Variants in SLC9A3 observed in about 807,000 individuals in gnomAD.
SLC9A3 encodes the protein solute carrier family 9 member A3, also known as sodium/hydrogen exchanger 3.
A neutral mutation model predicts 86.8 loss-of-function variants in SLC9A3; 37 were observed. The observed-to-expected ratio is 0.43, with a 90% CI of 0.33 to 0.56. The LOEUF (loss-of-function observed/expected upper bound fraction) is 0.56. SLC9A3 is among the 20% of genes least tolerant of loss of function. The pLI, the probability that SLC9A3 is intolerant of heterozygous loss-of-function variation, is 0.06. For synonymous variants in SLC9A3, 581 were observed against 528.3 expected (o/e 1.10, Z -1.37); for missense variants, 1,011 against 1,171.9 (o/e 0.86, Z 2.00).
intron 4 of SLC9A3, 40 bp from the exon 5 acceptor site, chr5:484,737 G>C (rs771823695): frequency 1.9e-6 from 3 of 1,602,464 alleles, no homozygotes; most frequent in Non-Finnish European, 2.6e-6. Context: ...CCGGCCTTCC[G>C]GGCCCTTCCT....
chr5:518,522 C>G (rs1733798621), intron 1 of SLC9A3, among the ~76,000 whole-genome samples: 1 of 152,204 alleles, frequency 6.6e-6, no homozygotes. Flanking sequence ...ACTCTTGTCT[C>G]AAGGGTGGGT....
chr5:492,014 A>C lies in SLC9A3; in HGVS notation c.269T>G (p.Val90Gly). 1 of 1,586,238 alleles carries C rather than the reference A, an allele frequency of 6.3e-7. No individual in the cohort carries two copies. Among genetic ancestry groups the C allele is most frequent in the Non-Finnish European group, 8.6e-7 (1 of 1,165,154 alleles). Residue 90 changes from valine (V) to glycine (G), a missense_variant, in exon 2 of 17, where the codon GTG becomes GGG. Transcript: ENST00000264938. ...SVVPESALLI[V>G]LGLVLGGIVW... Reference sequence around the variant, plus strand: ...GATGCCGCCCAGCACCAGGCCCAGCACGATGAGCAGGGCGCTCTCGGGAAC... The same window carrying C: ...GATGCCGCCCAGCACCAGGCCCAGCCCGATGAGCAGGGCGCTCTCGGGAAC...
chr5:483,925 G>A (rs535313330), intron 5 of SLC9A3, among the ~76,000 whole-genome samples: 17 of 152,390 alleles, frequency 1.1e-4, no homozygotes, highest in Non-Finnish European at 2.2e-4. Flanking sequence ...TGAAGGTCCC[G>A]CGCTAGGACA....
In SLC9A3 at chr5:496,405, G is replaced by A. The variant is rs905782278; in HGVS notation, c.212-4334C>T. ...GGGGCCCAACCTAACAGCCTCTGAC[G>A]ACCTGTGGGTGACGCGTGAACGACC... On this transcript the variant is annotated intron_variant, in intron 1 of 16. Coordinates refer to ENST00000264938, the MANE Select transcript of SLC9A3 (RefSeq NM_004174.4). The surrounding 1 kb of genome is among the most constrained non-coding windows in gnomAD (Gnocchi z 4.7). 2.0e-5 allele frequency among the ~76,000 whole-genome samples: 3 copies of A among 152,222 alleles called. No individual in the cohort carries two copies. The highest frequency in any genetic ancestry group is 2.9e-5 in the Non-Finnish European group (2 of 68,030).
rs1738363289 is a variant in SLC9A3 at position 471,634 on chromosome 5, G to A, written c.*1745C>T. ...CCAGTAGGGTCACTGACTGGGCAGGGCTTGCTGCATAGAGGATGGCTGCAT... is the reference window on the plus strand; with the variant it reads ...CCAGTAGGGTCACTGACTGGGCAGGACTTGCTGCATAGAGGATGGCTGCAT... On this transcript the variant is annotated 3_prime_UTR_variant, in exon 17 of 17. Transcript: ENST00000264938. 2.5e-6 allele frequency: 1 copy of A among 392,748 alleles called. No homozygotes were observed. The highest frequency in any genetic ancestry group is 1.9e-5 in the South Asian group (1 of 52,922). The allele number at this position is 392,748 out of a possible 1,614,324, so 24.3% of individuals were successfully genotyped here. A position where few individuals can be genotyped will look rare whatever the true frequency, so the allele number is the denominator to read the frequency against.
chr5:478,368 G>A (rs1359770037), intron 10 of SLC9A3: 1 of 152,356 alleles, frequency 6.6e-6, no homozygotes, highest in Non-Finnish European at 1.5e-5. Flanking sequence ...GCACAGGCGA[G>A]GGCTGTGCAG....
Position 524,416 on chromosome 5 carries a change from C to A in SLC9A3, c.-94G>T, listed in dbSNP as rs1036206115. 5 of 400,324 alleles carry A rather than the reference C, an allele frequency of 1.2e-5. No homozygotes were observed. Among genetic ancestry groups the A allele is most frequent in the South Asian group, 1.1e-4 (1 of 8,742 alleles). The allele number at this position is 400,324 out of a possible 1,614,324, so 24.8% of individuals were successfully genotyped here. On this transcript the variant is annotated 5_prime_UTR_variant, in exon 1 of 17. Transcript: ENST00000264938. ...GCGGGGCTGGGACCCGGCGAGGACCCGGCGCGCTCCGGTGCCGGTACCGGC... is the reference window on the plus strand; with the variant it reads ...GCGGGGCTGGGACCCGGCGAGGACCAGGCGCGCTCCGGTGCCGGTACCGGC...
At chr5:483,510 C>T (rs746569007) in intron 5 of SLC9A3, 28 bp from the exon 6 acceptor site, 33 of 1,515,730 alleles carry the variant, frequency 2.2e-5, no homozygotes, top group Middle Eastern at 1.7e-4. Context: ...CCTCAGGACA[C>T]GGCCACCTGG....
chr5:488,168 G>T, intron 3 of SLC9A3, 148 bp downstream of exon 3: 1 of 798,134 alleles, frequency 1.3e-6, no homozygotes, highest in Non-Finnish European at 2.0e-6. Flanking sequence ...GAGCTGGGAG[G>T]AAGGAGGTGG....
chr5:494,954 C>G (rs1318137431), intron 1 of SLC9A3, among the ~76,000 whole-genome samples: 3 of 152,176 alleles, frequency 2.0e-5, no homozygotes, highest in Non-Finnish European at 4.4e-5. Context: ...TTTTCAGGGT[C>G]ACAAGACCTG....
intron 1 of SLC9A3, among the ~76,000 whole-genome samples, chr5:499,835 C>G (rs1274037911): frequency 1.3e-5 from 2 of 152,250 alleles, no homozygotes; most frequent in Non-Finnish European, 2.9e-5. Flanking sequence ...CCAGCCACTC[C>G]CAGTCCAGGG....
intron 1 of SLC9A3, among the ~76,000 whole-genome samples, chr5:500,566 T>G (rs1740219014): frequency 1.6e-5 from 2 of 123,258 alleles, no homozygotes; most frequent in African/African-American, 3.2e-5. Flanking sequence ...TGGGTCAGTG[T>G]GGACACAGGG....
At chr5:522,047 G>A (rs575202897) in intron 1 of SLC9A3, among the ~76,000 whole-genome samples, 11 of 152,330 alleles carry the variant, frequency 7.2e-5, no homozygotes, top group African/African-American at 2.6e-4. Flanking sequence ...GAGCGTAAAG[G>A]GCAGGTCTGG....
rs1277270698 is a variant in SLC9A3 at position 491,284 on chromosome 5, G to A, written c.514+485C>T. Among the ~76,000 whole-genome samples the A allele has an allele frequency of 6.6e-6, 1 of 152,144 alleles. No homozygotes were observed. Reference sequence around the variant, plus strand: ...CCAGCCACGCGTGGTCTGGGTCCGGGGCGGGAGGCAGTGCCCGAGAGATGA... The same window carrying A: ...CCAGCCACGCGTGGTCTGGGTCCGGAGCGGGAGGCAGTGCCCGAGAGATGA... On this transcript the variant is annotated intron_variant, in intron 2 of 16. Transcript: ENST00000264938. The surrounding 1 kb of genome is among the most constrained non-coding windows in gnomAD (Gnocchi z 9.2).
At chr5:485,497 G>A (rs745419463) in intron 3 of SLC9A3, among the ~76,000 whole-genome samples, 4 of 152,238 alleles carry the variant, frequency 2.6e-5, no homozygotes, top group African/African-American at 7.2e-5. Context: ...CAAAACAGGG[G>A]CAGCTGCAAA....
chr5:485,972 C>T (rs553988581), intron 3 of SLC9A3, among the ~76,000 whole-genome samples: 35 of 152,314 alleles, frequency 2.3e-4, no homozygotes, highest in East Asian at 7.7e-4. Context: ...TCTCCAGGGA[C>T]GGGAGCCGCA....
chr5:523,785 C>CG (rs1733952679), intron 1 of SLC9A3, among the ~76,000 whole-genome samples: 1 of 152,184 alleles, frequency 6.6e-6, no homozygotes, highest in African/African-American at 2.4e-5. Flanking sequence ...AACCCGGCCC[C>CG]GGGGACTCCC....
chr5:476,766 C>T, intron 11 of SLC9A3, 94 bp from the exon 12 acceptor site: 1 of 1,489,584 alleles, frequency 6.7e-7, no homozygotes, highest in South Asian at 1.2e-5. Context: ...CTGGCCCTGG[C>T]TGCCTCCTGC....
chr5:473,075 C>G lies in SLC9A3; in HGVS notation c.*304G>C, dbSNP rs529308090. ...GGCGGCGCGCGCGAGGCCGCTGGAA[C>G]GAGCGCCGGCTGTGCACGCGGCGCG... On this transcript the variant is annotated 3_prime_UTR_variant, in exon 17 of 17. Transcript: ENST00000264938. 319 of 258,946 alleles carry G rather than the reference C, an allele frequency of 1.2e-3. 2 individuals carry two copies. Among genetic ancestry groups the G allele is most frequent in the African/African-American group, 7.3e-3 (305 of 41,748 alleles). The allele number at this position is 258,946 out of a possible 1,614,324, so 16.0% of individuals were successfully genotyped here. A position where few individuals can be genotyped will look rare whatever the true frequency, so the allele number is the denominator to read the frequency against.
Sources: gnomAD v4.1 joint callset for allele counts (sites outside exome capture counted in the v4.1 genomes callset) on GRCh38, gnomAD v4.1.1 for gene constraint, Gnocchi (gnomAD v3.1) non-coding constraint, MANE v1.5 for transcripts, NCBI Gene and HGNC (gene_info 2026-07-23, HGNC 2026-07-21) for gene names.